Variants in RNF212B observed in about 807,000 individuals in gnomAD.
RNF212B encodes ring finger protein 212B.
Under a neutral mutation model 55.5 loss-of-function variants are expected in RNF212B, and 52 were observed. The observed-to-expected ratio is 0.94, with a 90% CI of 0.75 to 1.18. The LOEUF is 1.18. Among genes scored for constraint, RNF212B ranks in the 50% most tolerant of loss-of-function variants. The pLI, the probability that RNF212B is intolerant of heterozygous loss-of-function variation, is 0.00. For missense variants in RNF212B, 289 were observed against 350.4 expected, an observed-to-expected ratio of 0.82 and a Z score of 1.40; for synonymous variants, 99 against 121.4, an observed-to-expected ratio of 0.82 and a Z score of 1.21.
At chr14:23,241,616 G>T (rs535247780) in intron 2 of RNF212B, among the ~76,000 whole-genome samples, 85 of 151,918 alleles carry the variant, frequency 5.6e-4, no homozygotes, top group Admixed American at 1.0e-3. Context: ...TAGAGATGGG[G>T]TTTCACCATG....
At chr14:23,211,123 C>G (rs1007782158) in intron 2 of RNF212B, among the ~76,000 whole-genome samples, 6 of 151,376 alleles carry the variant, frequency 4.0e-5, no homozygotes, top group African/African-American at 1.5e-4. Flanking sequence ...GAGGCTGAGG[C>G]AGGAGAATTG....
chr14:23,234,119 C>T (rs2140425353), upstream of RNF212B, among the ~76,000 whole-genome samples: 1 of 152,190 alleles, frequency 6.6e-6, no homozygotes, highest in African/African-American at 2.4e-5. Flanking sequence ...AAGCCCAGAA[C>T]ACTCAAAACC....
At chr14:23,223,485 AGCTGGACTACAGGC>A (rs998975882) in intron 2 of RNF212B, among the ~76,000 whole-genome samples, 3 of 151,886 alleles carry the variant, frequency 2.0e-5, no homozygotes, top group African/African-American at 7.3e-5. Context: ...CCTCCCGAGT[AGCTGGACTACAGGC>A]GCCCGCCATC....
intron 2 of RNF212B, among the ~76,000 whole-genome samples, chr14:23,201,316 G>A (rs535412211): frequency 2.6e-4 from 40 of 152,316 alleles, no homozygotes; most frequent in African/African-American, 9.6e-4. Context: ...ACAATTGTCT[G>A]TGGATGACAA....
At chr14:23,210,105 T>A (rs1430561254) in intron 2 of RNF212B, among the ~76,000 whole-genome samples, 1 of 151,974 alleles carries the variant, frequency 6.6e-6, no homozygotes, top group Non-Finnish European at 1.5e-5. Context: ...GAGCCAAGAT[T>A]GCACCACTGC....
At chr14:23,219,541 G>A (rs178748) in intron 2 of RNF212B, among the ~76,000 whole-genome samples, 23,360 of 150,666 alleles carry the variant, frequency 0.16, 2,169 homozygotes, top group Middle Eastern at 0.25. Flanking sequence ...GCAAGATCTC[G>A]GCTCACTGCA....
intron 1 of RNF212B, among the ~76,000 whole-genome samples, chr14:23,191,060 A>G (rs556384110): frequency 6.6e-6 from 1 of 152,252 alleles, no homozygotes; most frequent in Non-Finnish European, 1.5e-5. Context: ...ACCCAATAGA[A>G]AGTCCATCGC....
chr14:23,246,005 T>G (rs1883951678), intron 4 of RNF212B, among the ~76,000 whole-genome samples: 1 of 152,220 alleles, frequency 6.6e-6, no homozygotes, highest in Non-Finnish European at 1.5e-5. Flanking sequence ...CTTAAGGCCA[T>G]TTTTCTGCTG....
chr14:23,215,013 C>G (rs1880926804), intron 2 of RNF212B, among the ~76,000 whole-genome samples: 1 of 152,176 alleles, frequency 6.6e-6, no homozygotes, highest in African/African-American at 2.4e-5. Context: ...TGATTTGGCT[C>G]TGTGTCCCCA....
intron 12 of RNF212B, 146 bp downstream of exon 12, chr14:23,269,109 A>G: frequency 1.6e-6 from 1 of 616,182 alleles, no homozygotes; most frequent in Non-Finnish European, 2.9e-6. Context: ...GTTTGAGACC[A>G]GTATGGCCAA....
intron 4 of RNF212B, among the ~76,000 whole-genome samples, chr14:23,256,112 G>C (rs766861293): frequency 2.0e-5 from 3 of 152,102 alleles, no homozygotes; most frequent in Non-Finnish European, 4.4e-5. Context: ...ATGCACTTAC[G>C]ACCCTTGGTA....
At chr14:23,231,825 G>A (rs1013590579) in intron 2 of RNF212B, among the ~76,000 whole-genome samples, 1 of 152,224 alleles carries the variant, frequency 6.6e-6, no homozygotes, top group African/African-American at 2.4e-5. Context: ...TTTTTTTGGT[G>A]GAGAGGGGGT....
intron 2 of RNF212B, among the ~76,000 whole-genome samples, chr14:23,222,012 C>T (rs1387700513): frequency 6.6e-6 from 1 of 152,032 alleles, no homozygotes; most frequent in Non-Finnish European, 1.5e-5. Flanking sequence ...AAATGTATAG[C>T]TATAAGTGTC....
At chr14:23,215,691 G>C (rs1880991518) in intron 2 of RNF212B, among the ~76,000 whole-genome samples, 1 of 152,098 alleles carries the variant, frequency 6.6e-6, no homozygotes, top group African/African-American at 2.4e-5. Context: ...CTAAGAAAAG[G>C]GGTCATGAGC....
rs1885964522 is a variant in RNF212B at position 23,270,037 on chromosome 14, AC to A, written c.772+78del. 7.0e-6 allele frequency: 6 copies of A among 862,148 alleles called. No individual in the cohort carries two copies. The South Asian group carries it at 8.7e-5, about 13-fold the overall frequency. The allele number at this position is 862,148 out of a possible 1,614,324, so 53.4% of individuals were successfully genotyped here. On this transcript the variant is annotated intron_variant, in intron 13 of 14. Coordinates refer to ENST00000430154, the MANE Select transcript of RNF212B (RefSeq NM_001282322.3). The stretch of plus-strand genomic sequence containing the variant: ...TACTAAAATGAAGATTTTCAAGATG[AC>A]AAGATGTTGAGGTTTGCCCCCCAAA...
intron 2 of RNF212B, among the ~76,000 whole-genome samples, chr14:23,195,553 T>G (rs1362037031): frequency 6.6e-6 from 1 of 152,190 alleles, no homozygotes; most frequent in Non-Finnish European, 1.5e-5. Flanking sequence ...TAATTCAATT[T>G]AGTGCTAATT....
At chr14:23,262,543 A>G (rs1885369571) in intron 7 of RNF212B, 122 bp from the exon 8 acceptor site, 1 of 823,048 alleles carries the variant, frequency 1.2e-6, no homozygotes, top group Non-Finnish European at 1.9e-6. Flanking sequence ...ACATGAGAGT[A>G]AGCAATTTGT....
chr14:23,240,786 T>G (rs2140435954), intron 2 of RNF212B, among the ~76,000 whole-genome samples: 1 of 152,320 alleles, frequency 6.6e-6, no homozygotes, highest in East Asian at 1.9e-4. Flanking sequence ...GTTTGGCTGA[T>G]AGAAGAGCCA....
intron 4 of RNF212B, among the ~76,000 whole-genome samples, chr14:23,252,797 C>A (rs1289612755): frequency 6.6e-6 from 1 of 152,072 alleles, no homozygotes; most frequent in African/African-American, 2.4e-5. Context: ...TCTTAAGCAA[C>A]TTTTAAGCAA....
Sources: allele counts gnomAD v4.1 joint callset (sites outside exome capture counted in the v4.1 genomes callset), GRCh38; gene constraint gnomAD v4.1.1; transcripts MANE v1.5; gene names NCBI Gene and HGNC (gene_info 2026-07-23, HGNC 2026-07-21).